Variants in PIP4K2A observed in about 807,000 individuals in gnomAD.
The protein encoded by PIP4K2A is phosphatidylinositol-5-phosphate 4-kinase type 2 alpha, also known as phosphatidylinositol 5-phosphate 4-kinase type-2 alpha.
Under a neutral mutation model 42.9 loss-of-function variants are expected in PIP4K2A, and 14 were observed. The observed-to-expected ratio is 0.33, with a 90% CI of 0.22 to 0.51. PIP4K2A has a LOEUF of 0.51. Among genes scored for constraint, PIP4K2A ranks in the 20% least tolerant of loss-of-function variants. The pLI, the probability that PIP4K2A is intolerant of heterozygous loss-of-function variation, is 0.97. For missense variants in PIP4K2A, 434 were observed against 519.8 expected, an observed-to-expected ratio of 0.83 and a Z score of 1.61; for synonymous variants, 192 against 192.2, an observed-to-expected ratio of 1.00 and a Z score of 0.01.
chr10:22,552,660 A>G (rs1007637804), intron 6 of PIP4K2A, among the ~76,000 whole-genome samples: 1 of 152,230 alleles, frequency 6.6e-6, no homozygotes, highest in East Asian at 1.9e-4. Context: ...GCACTGCCCA[A>G]AACAGAAAAT....
chr10:22,613,489 G>A (rs906506496), intron 1 of PIP4K2A, among the ~76,000 whole-genome samples: 46 of 152,138 alleles, frequency 3.0e-4, no homozygotes, highest in African/African-American at 1.0e-3. Context: ...TCATGGGGAG[G>A]GAGCAGAACT....
intron 1 of PIP4K2A, among the ~76,000 whole-genome samples, chr10:22,623,692 C>G (rs1838380063): frequency 1.3e-5 from 2 of 152,304 alleles, no homozygotes; most frequent in African/African-American, 4.8e-5. Flanking sequence ...AGTGGATTTG[C>G]AGATCATACC....
chr10:22,702,555 G>A (rs1312035997), intron 1 of PIP4K2A, among the ~76,000 whole-genome samples: 2 of 152,210 alleles, frequency 1.3e-5, no homozygotes. Flanking sequence ...ACAAGACACA[G>A]TTCTTGCATG....
rs186697183 is a variant in PIP4K2A, at chr10:22,547,812, T to G, written c.792+2847A>C. ...CTCATACACCGATCTGTGTGTGTGT[T>G]TGTGTGCAGAAAAAGACTCACCTGT... is the stretch of plus-strand genomic sequence containing the variant. On this transcript the variant is annotated intron_variant, in intron 7 of 9. Transcript: ENST00000376573. 4.0e-4 allele frequency among the ~76,000 whole-genome samples: 61 copies of G among 152,290 alleles called. No individual in the cohort carries two copies. The East Asian group carries it at 7.7e-3, about 19-fold the overall frequency.
At chr10:22,550,638 C>T in intron 7 of PIP4K2A, 21 bp downstream of exon 7, 2 of 1,207,914 alleles carry the variant, frequency 1.7e-6, no homozygotes, top group Non-Finnish European at 2.5e-6. Context: ...TGAGTCTGGC[C>T]TCTCCACTGA....
intron 4 of PIP4K2A, among the ~76,000 whole-genome samples, chr10:22,589,764 T>C (rs1837471950): frequency 6.6e-6 from 1 of 152,184 alleles, no homozygotes; most frequent in Non-Finnish European, 1.5e-5. Flanking sequence ...ACTTAGTAAG[T>C]GTGATTGTTT....
chr10:22,538,306 C>T (rs1835989648), intron 9 of PIP4K2A, among the ~76,000 whole-genome samples: 5 of 152,158 alleles, frequency 3.3e-5, no homozygotes, highest in South Asian at 2.1e-4. Context: ...ACTATGGAGG[C>T]GAACTTGTGG....
chr10:22,600,323 C>T (rs192805998), intron 3 of PIP4K2A, among the ~76,000 whole-genome samples: 2 of 152,070 alleles, frequency 1.3e-5, no homozygotes, highest in East Asian at 3.9e-4. Flanking sequence ...GTAAAGCCAC[C>T]CTCGTATAAG....
rs972960095 is a variant in PIP4K2A at position 22,681,585 on chromosome 10, G to A, written c.144+32598C>T. 3.3e-5 allele frequency among the ~76,000 whole-genome samples: 5 copies of A among 152,280 alleles called. No individual in the cohort carries two copies. The East Asian group carries it at 9.6e-4, about 29-fold the overall frequency. Reference sequence around the variant, plus strand: ...ACATACTCAAGAGGCTGAGGTAGGAGGATGCCTTGAGCCTGGGGGGTAGAG... The same window carrying A: ...ACATACTCAAGAGGCTGAGGTAGGAAGATGCCTTGAGCCTGGGGGGTAGAG... On this transcript the variant is annotated intron_variant, in intron 1 of 9. Coordinates refer to ENST00000376573, the MANE Select transcript of PIP4K2A (RefSeq NM_005028.5).
chr10:22,679,711 A>T (rs968158348), intron 1 of PIP4K2A, among the ~76,000 whole-genome samples: 1 of 152,180 alleles, frequency 6.6e-6, no homozygotes, highest in Non-Finnish European at 1.5e-5. Flanking sequence ...ACACAATAGA[A>T]TATGCCTTGA....
chr10:22,711,836 A>C (rs901542870), intron 1 of PIP4K2A, among the ~76,000 whole-genome samples: 2 of 152,234 alleles, frequency 1.3e-5, no homozygotes, highest in African/African-American at 4.8e-5. Flanking sequence ...ATGGCATCTA[A>C]GGGTTTTAGA....
intron 1 of PIP4K2A, among the ~76,000 whole-genome samples, chr10:22,659,026 T>C (rs1397605573): frequency 1.3e-5 from 2 of 152,112 alleles, no homozygotes; most frequent in African/African-American, 2.4e-5. Flanking sequence ...TCCAAGAAAC[T>C]TGGGTCTGCC....
intron 7 of PIP4K2A, among the ~76,000 whole-genome samples, chr10:22,548,035 A>G (rs115328846): frequency 1.8e-3 from 275 of 152,348 alleles, no homozygotes; most frequent in African/African-American, 6.5e-3. Flanking sequence ...AAAAACTGCA[A>G]TGAAACTCCA....
chr10:22,664,244 CACACACAT>C (rs1190981780), intron 1 of PIP4K2A, among the ~76,000 whole-genome samples: 2 of 132,674 alleles, frequency 1.5e-5, no homozygotes, highest in Non-Finnish European at 3.1e-5. Flanking sequence ...CACACACACA[CACACACAT>C]ATATATATAC....
At chr10:22,582,827 T>A (rs1016599510) in intron 4 of PIP4K2A, among the ~76,000 whole-genome samples, 1 of 150,484 alleles carries the variant, frequency 6.6e-6, no homozygotes, top group Non-Finnish European at 1.5e-5. Flanking sequence ...GATGTCTTGG[T>A]ATGTTTGGGG....
At chr10:22,665,430 GT>G (rs1347455758) in intron 1 of PIP4K2A, among the ~76,000 whole-genome samples, 1 of 151,910 alleles carries the variant, frequency 6.6e-6, no homozygotes, top group African/African-American at 2.4e-5. Context: ...ACTACTGAAG[GT>G]CATTCACTTT....
chr10:22,635,108 A>AGCAC (rs1210035485), intron 1 of PIP4K2A, among the ~76,000 whole-genome samples: 1 of 152,126 alleles, frequency 6.6e-6, no homozygotes, highest in East Asian at 1.9e-4. Flanking sequence ...GCAGAGGTGA[A>AGCAC]GCACGACAGA....
At chr10:22,696,541 G>A (rs1839976668) in intron 1 of PIP4K2A, among the ~76,000 whole-genome samples, 1 of 151,914 alleles carries the variant, frequency 6.6e-6, no homozygotes, top group Non-Finnish European at 1.5e-5. Context: ...TACTCTATAT[G>A]GAAGCTTTTT....
At chr10:22,611,957 C>T (rs1270229376) in intron 1 of PIP4K2A, among the ~76,000 whole-genome samples, 4 of 152,184 alleles carry the variant, frequency 2.6e-5, no homozygotes, top group Admixed American at 1.3e-4. Context: ...AGCTTTGATG[C>T]CTCCTCAGGC....
Sources: allele counts gnomAD v4.1 joint callset (sites outside exome capture counted in the v4.1 genomes callset), GRCh38; gene constraint gnomAD v4.1.1; transcripts MANE v1.5; gene names NCBI Gene and HGNC (gene_info 2026-07-23, HGNC 2026-07-21).